Variants in WWTR1 observed in about 807,000 individuals in gnomAD.
WWTR1 encodes the protein WW domain containing transcription regulator 1, also known as WW domain-containing transcription regulator protein 1.
In WWTR1, 13 loss-of-function variants were observed where a neutral mutation model predicts 40.1. The observed-to-expected ratio is 0.32, with a 90% CI of 0.21 to 0.52. The LOEUF is 0.52. Among genes scored for constraint, WWTR1 ranks in the 20% least tolerant of loss-of-function variants. The pLI is 0.97. For missense variants in WWTR1, 436 were observed against 523.1 expected (o/e 0.83, Z 1.63); for synonymous variants, 230 against 210.1 (o/e 1.09, Z -0.82).
rs543850278 is a variant in WWTR1, at chr3:149,637,036, A to G, written c.431+19840T>C. Among the ~76,000 whole-genome samples, 6 of 151,346 alleles carry G rather than the reference A, an allele frequency of 4.0e-5. No individual in the cohort carries two copies. In the South Asian group the frequency reaches 1.3e-3, roughly 32 times the overall value. On this transcript the variant is annotated intron_variant, in intron 2 of 6. Transcript: ENST00000360632. The stretch of plus-strand genomic sequence containing the variant: ...CAGGTAAGATTTGGTTCTTGTCACT[A>G]TGAGTTCATAGCATATAGAATAAAA...
intron 2 of WWTR1, among the ~76,000 whole-genome samples, chr3:149,586,430 C>A (rs938824055): frequency 6.6e-6 from 1 of 152,040 alleles, no homozygotes; most frequent in African/African-American, 2.4e-5. Context: ...TAATATAAAC[C>A]AATTTGAATA....
chr3:149,708,076 C>T (rs1715375948), upstream of WWTR1, among the ~76,000 whole-genome samples: 1 of 152,140 alleles, frequency 6.6e-6, no homozygotes, highest in Non-Finnish European at 1.5e-5. Flanking sequence ...CAGGCCTGTA[C>T]CCCAGCTCAT....
At chr3:149,618,821 A>C (rs1740127605) in intron 2 of WWTR1, among the ~76,000 whole-genome samples, 1 of 152,154 alleles carries the variant, frequency 6.6e-6, no homozygotes. Context: ...GCTCCAACTG[A>C]GAGGGCAGTG....
At chr3:149,688,031 G>T (rs1714706844) in intron 1 of WWTR1, among the ~76,000 whole-genome samples, 2 of 151,224 alleles carry the variant, frequency 1.3e-5, no homozygotes, top group African/African-American at 4.9e-5. Flanking sequence ...TTGAGGAAAA[G>T]AGAGACTTCT....
chr3:149,586,250 T>C (rs1423005614), intron 2 of WWTR1, among the ~76,000 whole-genome samples: 1 of 150,648 alleles, frequency 6.6e-6, no homozygotes, highest in Non-Finnish European at 1.5e-5. Flanking sequence ...GGCCATCTAC[T>C]GATTCACCAA....
intron 3 of WWTR1, among the ~76,000 whole-genome samples, chr3:149,566,658 C>T (rs1451712089): frequency 6.6e-6 from 1 of 152,154 alleles, no homozygotes; most frequent in Non-Finnish European, 1.5e-5. Flanking sequence ...GTGCTTTAAG[C>T]AACCCAGGGC....
intron 1 of WWTR1, among the ~76,000 whole-genome samples, chr3:149,684,178 A>AATAT (rs147768266): frequency 6.6e-6 from 1 of 150,980 alleles, no homozygotes; most frequent in Admixed American, 6.6e-5. Context: ...TTATTTAGAA[A>AATAT]ATATATATAT....
At chr3:149,651,992 A>ATT (rs368845286) in intron 2 of WWTR1, among the ~76,000 whole-genome samples, 1,450 of 93,634 alleles carry the variant, frequency 0.015, 58 homozygotes, top group African/African-American at 0.047. Context: ...CGCCCGGCTA[A>ATT]TTTTTTTTTT....
intron 1 of WWTR1, among the ~76,000 whole-genome samples, chr3:149,673,793 A>G (rs1290672840): frequency 6.6e-6 from 1 of 152,138 alleles, no homozygotes; most frequent in African/African-American, 2.4e-5. Context: ...GGAGGAGCCA[A>G]TACTTCAAAT....
At chr3:149,620,271 T>C (rs539572789) in intron 2 of WWTR1, among the ~76,000 whole-genome samples, 175 of 152,252 alleles carry the variant, frequency 1.1e-3, no homozygotes, top group Non-Finnish European at 1.9e-3. Context: ...AAGGGAAGCG[T>C]GGCACACAGA....
intron 2 of WWTR1, among the ~76,000 whole-genome samples, chr3:149,577,687 C>T (rs1442170156): frequency 6.6e-6 from 1 of 152,122 alleles, no homozygotes; most frequent in African/African-American, 2.4e-5. Flanking sequence ...CGTGTGAAAT[C>T]AGTTTTCCCT....
chr3:149,644,388 G>A (rs1182568420), intron 2 of WWTR1, among the ~76,000 whole-genome samples: 1 of 152,160 alleles, frequency 6.6e-6, no homozygotes, highest in Non-Finnish European at 1.5e-5. Flanking sequence ...CTGTGCTTCT[G>A]GAACTGTAAT....
At chr3:149,540,882 G>T in intron 4 of WWTR1, 2 of 325,950 alleles carry the variant, frequency 6.1e-6, no homozygotes, top group Non-Finnish European at 1.2e-5. Flanking sequence ...AATTTACCAT[G>T]CATTTTAAAC....
chr3:149,543,438 C>T (rs148000276), intron 3 of WWTR1, among the ~76,000 whole-genome samples: 70 of 151,534 alleles, frequency 4.6e-4, no homozygotes, highest in African/African-American at 1.6e-3. Flanking sequence ...AATAATTAGC[C>T]GGGCATGATG....
At chr3:149,633,215 C>A (rs1711630389) in intron 2 of WWTR1, among the ~76,000 whole-genome samples, 1 of 151,964 alleles carries the variant, frequency 6.6e-6, no homozygotes, top group African/African-American at 2.4e-5. Context: ...ATAGGAAGAC[C>A]CCATCGCTAC....
chr3:149,628,343 T>G (rs376223023), intron 2 of WWTR1, among the ~76,000 whole-genome samples: 2 of 152,214 alleles, frequency 1.3e-5, no homozygotes, highest in East Asian at 3.8e-4. Flanking sequence ...CACTCCAGCC[T>G]GGGCAACAGA....
chr3:149,589,771 C>T (rs931399703), intron 2 of WWTR1, among the ~76,000 whole-genome samples: 4 of 146,048 alleles, frequency 2.7e-5, no homozygotes, highest in African/African-American at 7.8e-5. Flanking sequence ...AAAAACTACT[C>T]ATAGAATAAG....
intron 3 of WWTR1, among the ~76,000 whole-genome samples, chr3:149,560,493 G>A (rs1438927108): frequency 1.3e-5 from 2 of 152,328 alleles, no homozygotes; most frequent in Non-Finnish European, 2.9e-5. Context: ...ATTCCATTTG[G>A]AGAGAAATTA....
chr3:149,635,624 G>A (rs924931088), intron 2 of WWTR1, among the ~76,000 whole-genome samples: 1 of 151,556 alleles, frequency 6.6e-6, no homozygotes, highest in Non-Finnish European at 1.5e-5. Context: ...GGAGGAGGAA[G>A]GAGAAAGGAG....
Sources: gnomAD v4.1 joint callset for allele counts (sites outside exome capture counted in the v4.1 genomes callset) on GRCh38, gnomAD v4.1.1 for gene constraint, MANE v1.5 for transcripts, NCBI Gene and HGNC (gene_info 2026-07-23, HGNC 2026-07-21) for gene names.